Variants in TSHR observed in about 807,000 individuals in gnomAD.
The protein encoded by TSHR is thyroid stimulating hormone receptor.
In TSHR, 51 loss-of-function variants were observed where a neutral mutation model predicts 64.1. That is an observed-to-expected ratio of 0.80 (90% CI 0.64 to 1.01). The LOEUF (loss-of-function observed/expected upper bound fraction) is 1.01, where lower values mean the gene tolerates loss of function less well. Among genes scored for constraint, TSHR ranks in the 50% least tolerant of loss-of-function variants. The pLI, the probability that TSHR is intolerant of heterozygous loss-of-function variation, is 0.00. For missense variants in TSHR, 877 were observed against 942.8 expected, an observed-to-expected ratio of 0.93 and a Z score of 0.91; for synonymous variants, 361 against 361.9, an observed-to-expected ratio of 1.00 and a Z score of 0.03.
At chr14:80,964,242 A>G (rs1887183362) in intron 1 of TSHR, among the ~76,000 whole-genome samples, 1 of 152,182 alleles carries the variant, frequency 6.6e-6, no homozygotes, top group Non-Finnish European at 1.5e-5. Context: ...TGATGAGGCC[A>G]AGACCATTCA....
intron 9 of TSHR, among the ~76,000 whole-genome samples, chr14:81,141,052 G>T (rs1251676844): frequency 6.6e-6 from 1 of 152,248 alleles, no homozygotes; most frequent in Admixed American, 6.5e-5. Flanking sequence ...CTTGAACCCG[G>T]TAGGCGGAGG....
At chr14:81,072,009 G>T (rs908963094) in intron 3 of TSHR, among the ~76,000 whole-genome samples, 1 of 152,150 alleles carries the variant, frequency 6.6e-6, no homozygotes, top group Non-Finnish European at 1.5e-5. Context: ...ATGCTTTATT[G>T]TTTGTGAATG....
chr14:81,062,719 G>A (rs1886329993), intron 2 of TSHR, among the ~76,000 whole-genome samples: 1 of 152,108 alleles, frequency 6.6e-6, no homozygotes, highest in South Asian at 2.1e-4. Context: ...AAATTGAATT[G>A]CTATCCACTT....
intron 1 of TSHR, among the ~76,000 whole-genome samples, chr14:81,022,244 T>C (rs7152976): frequency 0.041 from 6,300 of 151,856 alleles, 417 homozygotes; most frequent in African/African-American, 0.14. Context: ...CACTCCAGCC[T>C]GGGCAACAGA....
chr14:81,050,908 C>T (rs1295822529), intron 1 of TSHR: 1 of 151,972 alleles, frequency 6.6e-6, no homozygotes, highest in Non-Finnish European at 1.5e-5. Flanking sequence ...TAAAGTAAGT[C>T]GCACAATTTT....
At chr14:81,048,348 G>T (rs1594999061) in intron 1 of TSHR, among the ~76,000 whole-genome samples, 1 of 152,126 alleles carries the variant, frequency 6.6e-6, no homozygotes, top group East Asian at 1.9e-4. Context: ...TCCTGGCCGG[G>T]ATCACTGTCC....
intron 3 of TSHR, 133 bp from the exon 4 acceptor site, chr14:81,087,821 C>T (rs1888397553): frequency 9.3e-6 from 7 of 751,572 alleles, no homozygotes; most frequent in Middle Eastern, 3.0e-4. Context: ...CAGCTACAGC[C>T]CCTGGGGTAC....
At chr14:81,086,098 G>A (rs541917792) in intron 3 of TSHR, among the ~76,000 whole-genome samples, 5 of 152,224 alleles carry the variant, frequency 3.3e-5, no homozygotes, top group Admixed American at 2.0e-4. Context: ...GCATAGTGAG[G>A]ATTTGGAAGT....
chr14:80,999,194 A>T (rs143036508), intron 1 of TSHR, among the ~76,000 whole-genome samples: 2,802 of 152,320 alleles, frequency 0.018, 40 homozygotes, highest in Middle Eastern at 0.037. Context: ...TTTTGAATAC[A>T]TAGGGTAAAA....
At chr14:80,976,208 T>C (rs1287661096) in intron 1 of TSHR, among the ~76,000 whole-genome samples, 1 of 152,154 alleles carries the variant, frequency 6.6e-6, no homozygotes, top group Non-Finnish European at 1.5e-5. Flanking sequence ...AGTACATTCT[T>C]AAACGAAGCC....
chr14:80,962,256 T>G (rs1014893963), intron 1 of TSHR, among the ~76,000 whole-genome samples: 2 of 152,232 alleles, frequency 1.3e-5, no homozygotes, highest in Admixed American at 6.5e-5. Flanking sequence ...GTTAAAGATT[T>G]TAATGAACTC....
At chr14:81,111,674 G>A (rs1194825270) in intron 8 of TSHR, among the ~76,000 whole-genome samples, 3 of 152,052 alleles carry the variant, frequency 2.0e-5, no homozygotes, top group East Asian at 1.9e-4. Flanking sequence ...TCTTCCTACT[G>A]TCTGGAAAAC....
intron 1 of TSHR, among the ~76,000 whole-genome samples, chr14:80,960,281 T>G (rs1886948572): frequency 6.6e-6 from 1 of 152,260 alleles, no homozygotes; most frequent in African/African-American, 2.4e-5. Flanking sequence ...TGTGGATGTT[T>G]TGTATATTTC....
chr14:81,120,418 G>T (rs2284737), intron 8 of TSHR, among the ~76,000 whole-genome samples: 10,416 of 152,088 alleles, frequency 0.068, 918 homozygotes, highest in East Asian at 0.23. Flanking sequence ...TTTATTCCTA[G>T]TTTTTGTTTT....
chr14:81,110,768 C>A (rs560215526), intron 8 of TSHR, among the ~76,000 whole-genome samples: 1 of 152,078 alleles, frequency 6.6e-6, no homozygotes, highest in East Asian at 1.9e-4. Context: ...TGCAGTTAAG[C>A]CTGCTCTATT....
chr14:81,120,136 A>C (rs966732373), intron 8 of TSHR, among the ~76,000 whole-genome samples: 3 of 150,094 alleles, frequency 2.0e-5, no homozygotes, highest in Admixed American at 6.6e-5. Context: ...ATATGTAACT[A>C]ACCTGCACAA....
chr14:81,132,114 A>G (rs1374654895), intron 8 of TSHR, among the ~76,000 whole-genome samples: 1 of 152,374 alleles, frequency 6.6e-6, no homozygotes, highest in South Asian at 2.1e-4. Flanking sequence ...TAAATTAATT[A>G]CATTGTATTT....
chr14:81,074,847 C>A lies in TSHR; in HGVS notation c.317+6519C>A, dbSNP rs1438025892. On this transcript the variant is annotated intron_variant, in intron 3 of 9. Transcript: ENST00000298171. ...GTGATTTGGTAAATAGAAAGATGAG[C>A]AGTTAGTTTACCATTGCCACTTCTA... 4.6e-5 allele frequency among the ~76,000 whole-genome samples: 7 copies of A among 152,158 alleles called. No homozygotes were observed. In the East Asian group the frequency reaches 1.3e-3, roughly 29 times the overall value.
At chr14:81,085,405 T>C (rs950242202) in intron 3 of TSHR, among the ~76,000 whole-genome samples, 4 of 152,212 alleles carry the variant, frequency 2.6e-5, no homozygotes, top group African/African-American at 7.2e-5. Flanking sequence ...GAAAGCAGCT[T>C]CTTTTCCCTG....
Sources: allele counts gnomAD v4.1 joint callset (sites outside exome capture counted in the v4.1 genomes callset), GRCh38; gene constraint gnomAD v4.1.1; transcripts MANE v1.5; gene names NCBI Gene and HGNC (gene_info 2026-07-23, HGNC 2026-07-21).